Variants in CASD1 observed in about 807,000 individuals in gnomAD.
CASD1 encodes the protein CAS1 domain sialic acid O acetyltransferase 1.
CASD1 carries 41 observed loss-of-function variants against 100.0 expected under a neutral mutation model. The observed-to-expected ratio is 0.41, with a 90% CI of 0.32 to 0.53. The LOEUF (loss-of-function observed/expected upper bound fraction) is 0.53, where lower values mean the gene tolerates loss of function less well. CASD1 is among the 20% of genes least tolerant of loss of function. CASD1 has a pLI of 0.25. For missense variants in CASD1, 774 were observed against 948.7 expected (o/e 0.82, Z 2.42); for synonymous variants, 321 against 315.6 (o/e 1.02, Z -0.18).
the CASD1 span, chr7:94,617,056 T>C: frequency 3.9e-5 from 6 of 152,184 alleles, no homozygotes; most frequent in Non-Finnish European, 7.3e-5. Context: ...CAGTTAGTGA[T>C]TGAATTCTCA....
chr7:94,553,169 A>G (rs753110333), intron 16 of CASD1: 4 of 461,702 alleles, frequency 8.7e-6, no homozygotes, highest in Non-Finnish European at 1.7e-5. Flanking sequence ...CACTTATACT[A>G]TTAATTATTT....
rs1015061613 is a variant in CASD1 at position 94,556,508 on chromosome 7, G to A, written c.*750G>A. On this transcript the variant is annotated 3_prime_UTR_variant, in exon 18 of 18. Coordinates refer to ENST00000297273, the MANE Select transcript of CASD1 (RefSeq NM_022900.5). Reference sequence around the variant, plus strand: ...ACGTTCACCTGTTTCCTTTCCTCAAGCTATACCAGTGTAATACCAGTTACC... The same window carrying A: ...ACGTTCACCTGTTTCCTTTCCTCAAACTATACCAGTGTAATACCAGTTACC... The A allele has an allele frequency of 4.6e-5, 7 of 151,894 alleles. No homozygotes were observed. The highest frequency in any genetic ancestry group is 1.7e-4 in the African/African-American group (7 of 41,408). The allele number at this position is 151,894 out of a possible 1,614,324, so 9.4% of individuals were successfully genotyped here. A position where few individuals can be genotyped will look rare whatever the true frequency, so the allele number is the denominator to read the frequency against.
chr7:94,547,274 A>G, intron 13 of CASD1, 99 bp downstream of exon 13: 2 of 735,620 alleles, frequency 2.7e-6, no homozygotes, highest in African/African-American at 1.8e-5. Flanking sequence ...TTTTAGCTTC[A>G]TTTTTTAATG....
the CASD1 span, chr7:94,618,118 TC>T: frequency 5.9e-5 from 9 of 152,352 alleles, no homozygotes; most frequent in African/African-American, 2.2e-4. Flanking sequence ...AGTCATGCTT[TC>T]TATCTGCACA....
At chr7:94,629,513 T>C in the CASD1 span, 1 of 495,268 alleles carries the variant, frequency 2.0e-6, no homozygotes, top group Non-Finnish European at 3.6e-6. Context: ...TCCAGAAATA[T>C]GCTTTCCTTA....
At chr7:94,599,616 G>A in the CASD1 span, 5 of 1,051,446 alleles carry the variant, frequency 4.8e-6, no homozygotes, top group Admixed American at 3.5e-5. Context: ...AAAAAAGCTT[G>A]ACACACATGT....
the CASD1 span, chr7:94,623,182 G>A: frequency 1.7e-6 from 1 of 573,584 alleles, no homozygotes; most frequent in South Asian, 2.7e-5. Context: ...ATATTGCTTA[G>A]TTTTCTTTTC....
Position 94,555,491 on chromosome 7 carries a change from G to A in CASD1, c.2128-1G>A. On this transcript the variant is annotated splice_acceptor_variant, in intron 17 of 17. Transcript: ENST00000297273. LOFTEE classifies it high-confidence loss of function. ...TCTGACTTAAATATTTTTTCTCCTA[G>A]CTATTTATTTGCCAGTATCACATAT... 2 of 1,609,356 alleles carry A rather than the reference G, an allele frequency of 1.2e-6. No individual in the cohort carries two copies. The highest frequency in any genetic ancestry group is 8.5e-7 in the Non-Finnish European group (1 of 1,177,680).
At chr7:94,621,866 T>C in the CASD1 span, 1 of 151,884 alleles carries the variant, frequency 6.6e-6, no homozygotes, top group Non-Finnish European at 1.5e-5. Context: ...CTTTGGGGAG[T>C]GGCAGAGTGG....
intron 10 of CASD1, 99 bp from the exon 11 acceptor site, chr7:94,544,312 C>A: frequency 1.4e-6 from 2 of 1,395,946 alleles, no homozygotes; most frequent in Non-Finnish European, 9.9e-7. Context: ...ATGCCAAATG[C>A]TAATAATCAT....
chr7:94,518,834 C>CT (rs1258211227), intron 3 of CASD1, among the ~76,000 whole-genome samples: 7 of 151,912 alleles, frequency 4.6e-5, no homozygotes, highest in Admixed American at 2.6e-4. Context: ...TAATTTTCCA[C>CT]TTTTTAAAGC....
chr7:94,545,536 T>G lies in CASD1; in HGVS notation c.1477-9T>G. On this transcript the variant is annotated splice_polypyrimidine_tract_variant and intron_variant, in intron 11 of 17. Transcript: ENST00000297273. ...TAGAATGAAACCATTTTCTTCTCCT[T>G]TTCAATAGGTTTTATTTCGTCTCAA... The G allele has an allele frequency of 6.3e-7, 1 of 1,594,216 alleles. No homozygotes were observed. The highest frequency in any genetic ancestry group is 8.6e-7 in the Non-Finnish European group (1 of 1,166,486).
the CASD1 span, chr7:94,603,375 C>G: frequency 6.2e-7 from 1 of 1,612,690 alleles, no homozygotes; most frequent in African/African-American, 1.3e-5. Context: ...TTGACTACAT[C>G]TCAATTGATT....
chr7:94,552,571 T>TA (rs1287742846), intron 16 of CASD1, 144 bp downstream of exon 16: 6 of 602,360 alleles, frequency 1.0e-5, no homozygotes, highest in African/African-American at 1.9e-5. Flanking sequence ...TCTGTAGTAA[T>TA]AGGGATATTA....
chr7:94,542,039 G>A (rs1795429588), intron 10 of CASD1, among the ~76,000 whole-genome samples: 1 of 152,152 alleles, frequency 6.6e-6, no homozygotes, highest in South Asian at 2.1e-4. Flanking sequence ...CAGGAACTTG[G>A]AAAATTGTTG....
chr7:94,532,866 A>G (rs942792674), intron 5 of CASD1, among the ~76,000 whole-genome samples: 1 of 152,192 alleles, frequency 6.6e-6, no homozygotes, highest in East Asian at 1.9e-4. Context: ...ATTGACTGAC[A>G]TAATACACTA....
chr7:94,539,740 C>G (rs934960681), intron 10 of CASD1, among the ~76,000 whole-genome samples: 2 of 151,486 alleles, frequency 1.3e-5, no homozygotes, highest in Middle Eastern at 3.4e-3. Context: ...AGGCAAGTTA[C>G]TGTCAGAAGA....
chr7:94,617,713 A>G, the CASD1 span: 3 of 152,244 alleles, frequency 2.0e-5, no homozygotes, highest in Admixed American at 2.0e-4. Context: ...ATCCATTGCT[A>G]TAAAACAGAA....
chr7:94,557,460 A>G (rs1327091007), downstream of CASD1, among the ~76,000 whole-genome samples: 3 of 152,130 alleles, frequency 2.0e-5, no homozygotes, highest in Non-Finnish European at 4.4e-5. Context: ...AAAACTTCCA[A>G]GTACTGTGAT....
Sources: gnomAD v4.1 joint callset for allele counts (sites outside exome capture counted in the v4.1 genomes callset) on GRCh38, gnomAD v4.1.1 for gene constraint, MANE v1.5 for transcripts, NCBI Gene and HGNC (gene_info 2026-07-23, HGNC 2026-07-21) for gene names.